ATP1B2: variants seen among roughly 807,000 people sequenced by gnomAD.
ATP1B2 encodes the protein sodium/potassium-transporting ATPase subunit beta-2.
ATP1B2 carries 12 observed loss-of-function variants against 37.3 expected under a neutral mutation model. That is an observed-to-expected ratio of 0.32 (90% confidence interval 0.21 to 0.52). The LOEUF is 0.52. Among genes scored for constraint, ATP1B2 ranks in the 20% least tolerant of loss-of-function variants. The pLI is 0.96. For synonymous variants in ATP1B2, 139 were observed against 140.5 expected (o/e 0.99, Z 0.07); for missense variants, 324 against 391.6 (o/e 0.83, Z 1.46).
upstream of ATP1B2, among the ~76,000 whole-genome samples, chr17:7,650,515 T>C (rs760249651): frequency 6.6e-6 from 1 of 152,170 alleles, no homozygotes; most frequent in Non-Finnish European, 1.5e-5. Flanking sequence ...TCTTGATCTC[T>C]AGCTCTTTAT....
rs1445792196 is a variant in ATP1B2, at chr17:7,654,706, T to G, written c.609+22T>G. 1 of 1,613,772 alleles carries G rather than the reference T, an allele frequency of 6.2e-7. No individual in the cohort carries two copies. Among genetic ancestry groups the G allele is most frequent in the Admixed American group, 1.7e-5 (1 of 60,016 alleles). Reference sequence around the variant, plus strand: ...GAAGGTGAGTTCGTTGGGCCTTGTCTGCCTGCTCACCTGAGTGGCTCACCT... The same window carrying G: ...GAAGGTGAGTTCGTTGGGCCTTGTCGGCCTGCTCACCTGAGTGGCTCACCT... On this transcript the variant is annotated intron_variant, in intron 5 of 6. Coordinates refer to ENST00000250111, the MANE Select transcript of ATP1B2 (RefSeq NM_001678.5). The surrounding 1 kb of genome is among the most constrained non-coding windows in gnomAD (Gnocchi z 4.9).
chr17:7,650,762 G>T (rs2072605191), upstream of ATP1B2, among the ~76,000 whole-genome samples: 1 of 151,828 alleles, frequency 6.6e-6, no homozygotes, highest in African/African-American at 2.4e-5. Flanking sequence ...AGACAGCTAG[G>T]TCCCTAAGAG....
chr17:7,647,521 A>G (rs2072582178), upstream of ATP1B2, among the ~76,000 whole-genome samples: 1 of 152,060 alleles, frequency 6.6e-6, no homozygotes, highest in Non-Finnish European at 1.5e-5. Flanking sequence ...CCCCATCTCT[A>G]AAAAAGAAAG....
In ATP1B2 at chr17:7,651,513, A is replaced by G. The variant is rs2150977290; in HGVS notation, c.-6A>G. 1 of 1,585,908 alleles carries G rather than the reference A, an allele frequency of 6.3e-7. No homozygotes were observed. The highest frequency in any genetic ancestry group is 8.6e-7 in the Non-Finnish European group (1 of 1,166,818). On this transcript the variant is annotated 5_prime_UTR_variant, in exon 1 of 7. Coordinates refer to ENST00000250111, the MANE Select transcript of ATP1B2 (RefSeq NM_001678.5). ...CCCGCGCCCGGACTCGCCCCGCGCC[A>G]CCAAGATGGTCATCCAGAAAGAGAA...
rs113142998 is a variant in ATP1B2 at position 7,654,841 on chromosome 17, C to T, written c.609+157C>T. On this transcript the variant is annotated intron_variant, in intron 5 of 6. Coordinates refer to ENST00000250111, the MANE Select transcript of ATP1B2 (RefSeq NM_001678.5). The surrounding 1 kb of genome is among the most constrained non-coding windows in gnomAD (Gnocchi z 4.9). Reference sequence around the variant, plus strand: ...GGGGTAAGAGTGGGCTTTTGGGCTCCACTGTAGCTTGAACTCCGAGGGCCC... The same window carrying T: ...GGGGTAAGAGTGGGCTTTTGGGCTCTACTGTAGCTTGAACTCCGAGGGCCC... 3.5e-4 allele frequency: 278 copies of T among 793,236 alleles called. 2 individuals carry two copies. In the African/African-American group the frequency reaches 4.0e-3, roughly 11 times the overall value. 49.1% of individuals were successfully genotyped at this position (793,236 alleles called of 1,614,324 possible). A position where few individuals can be genotyped will look rare whatever the true frequency, so the allele number is the denominator to read the frequency against.
Position 7,655,289 on chromosome 17 carries a change from C to T in ATP1B2, c.610-238C>T. The T allele has an allele frequency of 1.7e-6, 1 of 576,638 alleles. No homozygotes were observed. The highest frequency in any genetic ancestry group is 2.9e-5 in the East Asian group (1 of 34,248). The allele number at this position is 576,638 out of a possible 1,614,324, so 35.7% of individuals were successfully genotyped here. A position where few individuals can be genotyped will look rare whatever the true frequency, so the allele number is the denominator to read the frequency against. On this transcript the variant is annotated intron_variant, in intron 5 of 6. Transcript: ENST00000250111. This position sits in a 1 kb window ranked among gnomAD's most constrained non-coding sequence, Gnocchi z 4.4. ...CTTGGGGTAGGAGTGGAGTAGGAGG[C>T]TTTCGTGCCATTAGCAGCCTTCAGG...
Position 7,657,390 on chromosome 17 carries a change from A to G in ATP1B2, c.*1495A>G, listed in dbSNP as rs551802192. On this transcript the variant is annotated 3_prime_UTR_variant, in exon 7 of 7. Coordinates refer to ENST00000250111, the MANE Select transcript of ATP1B2 (RefSeq NM_001678.5). ...AGACCCCTTTGCCTTTAAAAAAAAAACAAAAACAAAAACAAAAAAACCCAT... is the reference window on the plus strand; with the variant it reads ...AGACCCCTTTGCCTTTAAAAAAAAAGCAAAAACAAAAACAAAAAAACCCAT... 6.6e-6 allele frequency: 1 copy of G among 152,166 alleles called. No individual in the cohort carries two copies. Among genetic ancestry groups the G allele is most frequent in the South Asian group, 2.1e-4 (1 of 4,816 alleles). 9.4% of individuals were successfully genotyped at this position (152,166 alleles called of 1,614,324 possible).
In ATP1B2 at chr17:7,654,284, G is replaced by GA. The variant is rs1269572574; in HGVS notation, c.552+29dup. ...TATCTATGACCTTGGTCCCCAGGGT[G>GA]AATGGAGGAAGGATCTGGGGACACC... On this transcript the variant is annotated intron_variant, in intron 4 of 6. Coordinates refer to ENST00000250111, the MANE Select transcript of ATP1B2 (RefSeq NM_001678.5). This position sits in a 1 kb window ranked among gnomAD's most constrained non-coding sequence, Gnocchi z 4.9. The GA allele has an allele frequency of 1.2e-6, 2 of 1,610,682 alleles. No homozygotes were observed. The highest frequency in any genetic ancestry group is 4.5e-5 in the East Asian group (2 of 44,852).
rs775979126 is a variant in ATP1B2 at position 7,656,365 on chromosome 17, C to T, written c.*470C>T. 1.6e-4 allele frequency: 28 copies of T among 172,890 alleles called. No individual in the cohort carries two copies. The highest frequency in any genetic ancestry group is 2.1e-4 in the African/African-American group (9 of 42,010). The allele number at this position is 172,890 out of a possible 1,614,324, so 10.7% of individuals were successfully genotyped here. ...CCTTCCATTCCTAAGCTCTGGCCAC[C>T]GTCCCTTGATCTCTCATACTTTCTC... On this transcript the variant is annotated 3_prime_UTR_variant, in exon 7 of 7. Transcript: ENST00000250111.
In ATP1B2 at chr17:7,654,568, G is replaced by A; in HGVS notation, c.553-60G>A. 1.3e-6 allele frequency: 2 copies of A among 1,566,862 alleles called. No individual in the cohort carries two copies. Among genetic ancestry groups the A allele is most frequent in the Non-Finnish European group, 1.8e-6 (2 of 1,137,394 alleles). ...TACAGTCCCCGGCTTAGCTTGGTCTGGATGCCCATCTTCGACAACTTCTTC... is the reference window on the plus strand; with the variant it reads ...TACAGTCCCCGGCTTAGCTTGGTCTAGATGCCCATCTTCGACAACTTCTTC... On this transcript the variant is annotated intron_variant, in intron 4 of 6. Transcript: ENST00000250111. The surrounding 1 kb of genome is among the most constrained non-coding windows in gnomAD (Gnocchi z 4.9).
At position 7,651,481 on chromosome 17, in the gene ATP1B2, C is replaced by G. The variant is rs781640834; in HGVS notation, c.-38C>G. The G allele has an allele frequency of 1.9e-6, 3 of 1,539,370 alleles. No homozygotes were observed. In the South Asian group the frequency reaches 3.6e-5, roughly 18 times the overall value. ...CGCGGCGCCCCCGCTTCTCCGCAACCCCCCGCCCCGCGCCCGGACTCGCCC... is the reference window on the plus strand; with the variant it reads ...CGCGGCGCCCCCGCTTCTCCGCAACGCCCCGCCCCGCGCCCGGACTCGCCC... On this transcript the variant is annotated 5_prime_UTR_variant, in exon 1 of 7. Transcript: ENST00000250111.
At position 7,651,636 on chromosome 17, in the gene ATP1B2, C is replaced by T. The variant is rs1350241095; in HGVS notation, c.112+6C>T. The T allele has an allele frequency of 6.3e-7, 1 of 1,588,242 alleles. No homozygotes were observed. Among genetic ancestry groups the T allele is most frequent in the East Asian group, 2.3e-5 (1 of 42,982 alleles). On this transcript the variant is annotated splice_donor_region_variant and intron_variant, in intron 1 of 6. Transcript: ENST00000250111. ...CCGCACCGGGACCAGCTGGGGTACG[C>T]AGGGCCGGCACGCAAGGGGCGGGGG...
At chr17:7,652,705 G>A (rs897090540) in intron 1 of ATP1B2, among the ~76,000 whole-genome samples, 2 of 152,088 alleles carry the variant, frequency 1.3e-5, no homozygotes, top group Non-Finnish European at 2.9e-5. Flanking sequence ...TACTTCAGGC[G>A]GGGGAGCCAT....
chr17:7,653,984 G>A (rs748403475), intron 3 of ATP1B2, 39 bp downstream of exon 3: 12 of 1,613,256 alleles, frequency 7.4e-6, no homozygotes, highest in East Asian at 2.2e-5. Flanking sequence ...TCAAGACTTC[G>A]GGCAGGGGAC....
At chr17:7,653,316 A>G in intron 1 of ATP1B2, 58 bp from the exon 2 acceptor site, 2 of 1,609,268 alleles carry the variant, frequency 1.2e-6, no homozygotes, top group Non-Finnish European at 1.7e-6. Context: ...GTGTGTGGGG[A>G]TAGTTGAGGT....
rs997568142 is a variant in ATP1B2 at position 7,653,500 on chromosome 17, C to T, written c.239C>T (p.Pro80Leu). 8 of 1,613,938 alleles carry T rather than the reference C, an allele frequency of 5.0e-6. No homozygotes were observed. Among genetic ancestry groups the T allele is most frequent in the African/African-American group, 2.7e-5 (2 of 74,896 alleles). ...AAGTACCAGGACCGACTGGCCACAC[C>T]GGGTGAGTGTGGAGGCTCCCCCTGC... ...TPKYQDRLAT[P>L]GLMIRPKTEN... Residue 80 changes from proline to leucine, a missense_variant and splice_region_variant, in exon 2 of 7, where the codon CCG (proline) becomes CTG (leucine). Pro to Leu is a moderately conservative substitution (Grantham distance 98). Transcript: ENST00000250111.
intron 2 of ATP1B2, 60 bp from the exon 3 acceptor site, chr17:7,653,781 C>T: frequency 1.3e-5 from 20 of 1,527,330 alleles, no homozygotes; most frequent in Non-Finnish European, 1.7e-5. Context: ...CATTTTCTTC[C>T]CTCTGTGTGC....
chr17:7,654,147 C>G lies in ATP1B2; in HGVS notation c.442C>G (p.Arg148Gly). The change falls in exon 4 of 7, where the codon CGT becomes GGT. Residue 148 changes from arginine (R) to glycine (G), a missense_variant. By Grantham distance (125) the Arg-to-Gly change is moderately radical (BLOSUM62 -2). Coordinates refer to ENST00000250111, the MANE Select transcript of ATP1B2 (RefSeq NM_001678.5). This position sits in a 1 kb window ranked among gnomAD's most constrained non-coding sequence, Gnocchi z 4.9. ...PDNGVLNYPKRACQFNRTQLG... is the reference protein window; with the variant it reads ...PDNGVLNYPKGACQFNRTQLG... Reference sequence around the variant, plus strand: ...TAATGGAGTCCTCAACTACCCCAAACGTGCCTGCCAATTCAACCGGACCCA... The same window carrying G: ...TAATGGAGTCCTCAACTACCCCAAAGGTGCCTGCCAATTCAACCGGACCCA... The G allele has an allele frequency of 1.9e-5, 30 of 1,614,230 alleles. No individual in the cohort carries two copies. Among genetic ancestry groups the G allele is most frequent in the Non-Finnish European group, 2.4e-5 (28 of 1,180,048 alleles).
At chr17:7,649,089 C>G (rs1332700615), upstream of ATP1B2, among the ~76,000 whole-genome samples, 1 of 152,134 alleles carries the variant, frequency 6.6e-6, no homozygotes, top group African/African-American at 2.4e-5. Flanking sequence ...GAGTTTTGCT[C>G]TTGTCCAGGC....
Sources: allele counts gnomAD v4.1 joint callset (sites outside exome capture counted in the v4.1 genomes callset), GRCh38; gene constraint gnomAD v4.1.1; non-coding constraint Gnocchi (gnomAD v3.1); transcripts MANE v1.5; gene names NCBI Gene and HGNC (gene_info 2026-07-23, HGNC 2026-07-21).